Variants in PIKFYVE observed in about 807,000 individuals in gnomAD.
PIKFYVE encodes 1-phosphatidylinositol 3-phosphate 5-kinase.
A neutral mutation model predicts 257.9 loss-of-function variants in PIKFYVE; 122 were observed. The observed-to-expected ratio is 0.47, with a 90% CI of 0.41 to 0.55. PIKFYVE has a LOEUF of 0.55. Ranked by LOEUF, PIKFYVE falls within the 20% of genes least tolerant of loss-of-function variation. PIKFYVE has a pLI of 0.00. For missense variants in PIKFYVE, 2,160 were observed against 2,536.6 expected (o/e 0.85, Z 3.19); for synonymous variants, 892 against 868.9 (o/e 1.03, Z -0.47).
chr2:208,306,075 A>G (rs1436776894), intron 12 of PIKFYVE, among the ~76,000 whole-genome samples: 8 of 152,220 alleles, frequency 5.3e-5, no homozygotes, highest in African/African-American at 1.9e-4. Flanking sequence ...TATTTCTCCA[A>G]CAAATTTCTC....
chr2:208,308,587 T>TC (rs1694614963), intron 12 of PIKFYVE, among the ~76,000 whole-genome samples: 1 of 151,996 alleles, frequency 6.6e-6, no homozygotes, highest in Admixed American at 6.6e-5. Context: ...ATCTCCCCAT[T>TC]CCCTTCACTC....
At position 208,326,338 on chromosome 2, in the gene PIKFYVE, C is replaced by G. The variant is rs773476508; in HGVS notation, c.3527C>G (p.Ala1176Gly). The change falls in exon 20 of 42, where the codon GCA (alanine) becomes GGA (glycine). Residue 1176 changes from alanine to glycine, a missense_variant. Coordinates refer to ENST00000264380, the MANE Select transcript of PIKFYVE (RefSeq NM_015040.4). ...GACCCTTTTGCTCATTCAAAGGATG[C>G]ATCAAGTACTTCAAGTGGCCAATCA... ...NSDPFAHSKD[A>G]SSTSSGQSGS... 1 of 1,613,458 alleles carries G rather than the reference C, an allele frequency of 6.2e-7. No individual in the cohort carries two copies. Among genetic ancestry groups the G allele is most frequent in the African/African-American group, 1.3e-5 (1 of 75,012 alleles).
intron 10 of PIKFYVE, among the ~76,000 whole-genome samples, chr2:208,302,971 A>G (rs750579052): frequency 2.0e-5 from 3 of 152,084 alleles, no homozygotes; most frequent in Non-Finnish European, 2.9e-5. Context: ...GGTTCCAGCT[A>G]CTTGGGAGGC....
rs1696665206 is a variant in PIKFYVE, at chr2:208,324,350, G to A, written c.2331+68G>A. 6 of 1,510,670 alleles carry A rather than the reference G, an allele frequency of 4.0e-6. No individual in the cohort carries two copies. The Admixed American group carries it at 1.0e-4, about 25-fold the overall frequency. The allele number at this position is 1,510,670 out of a possible 1,614,324, so 93.6% of individuals were successfully genotyped here. A position where few individuals can be genotyped will look rare whatever the true frequency, so the allele number is the denominator to read the frequency against. ...GCTTTTAAATTTATATGCACGTATG[G>A]TAGGTATACAAGAATCTTTTTTTCT... On this transcript the variant is annotated intron_variant, in intron 18 of 41. Transcript: ENST00000264380.
chr2:208,341,259 C>G (rs1574716645), intron 31 of PIKFYVE, among the ~76,000 whole-genome samples: 1 of 152,096 alleles, frequency 6.6e-6, no homozygotes, highest in African/African-American at 2.4e-5. Flanking sequence ...CTGCCCACCT[C>G]TGTCTCCCAA....
chr2:208,277,487 A>G (rs1690262012), intron 4 of PIKFYVE, 50 bp from the exon 5 acceptor site: 4 of 1,585,558 alleles, frequency 2.5e-6, no homozygotes, highest in Non-Finnish European at 3.5e-6. Flanking sequence ...GCCATTGCAT[A>G]TTAATAATCA....
intron 18 of PIKFYVE, 50 bp downstream of exon 18, chr2:208,324,332 A>C: frequency 2.5e-6 from 4 of 1,576,008 alleles, no homozygotes; most frequent in Non-Finnish European, 3.5e-6. Flanking sequence ...ACAGCTTTTA[A>C]ATTTATATGC....
chr2:208,285,410 T>C (rs1281584947), intron 5 of PIKFYVE, among the ~76,000 whole-genome samples: 1 of 152,156 alleles, frequency 6.6e-6, no homozygotes. Context: ...TGTTACATTT[T>C]AAACTCATTA....
chr2:208,354,966 C>T (rs146017091), intron 41 of PIKFYVE, among the ~76,000 whole-genome samples: 11 of 152,322 alleles, frequency 7.2e-5, no homozygotes, highest in African/African-American at 2.4e-4. Context: ...TCTTAGACAT[C>T]GCTCATCTCT....
intron 9 of PIKFYVE, 104 bp from the exon 10 acceptor site, chr2:208,302,138 T>A: frequency 1.0e-6 from 1 of 960,660 alleles, no homozygotes; most frequent in African/African-American, 1.6e-5. Flanking sequence ...AAATTCTAAC[T>A]CTGATTAGAA....
intron 7 of PIKFYVE, among the ~76,000 whole-genome samples, chr2:208,290,433 A>G (rs775772781): frequency 2.0e-5 from 3 of 152,182 alleles, no homozygotes; most frequent in Admixed American, 6.5e-5. Context: ...AGTTTTCTCT[A>G]TGTCTTTCCA....
intron 5 of PIKFYVE, among the ~76,000 whole-genome samples, chr2:208,278,021 T>G (rs1196677527): frequency 6.6e-6 from 1 of 152,216 alleles, no homozygotes; most frequent in Non-Finnish European, 1.5e-5. Context: ...GAGTTTTCAT[T>G]TTAAAAGGAC....
At chr2:208,273,802 GTTGTTTA>G in intron 3 of PIKFYVE, 69 bp downstream of exon 3, 1 of 1,577,132 alleles carries the variant, frequency 6.3e-7, no homozygotes, top group Non-Finnish European at 8.7e-7. Flanking sequence ...TGTTTCCTAG[GTTGTTTA>G]TAGCAGGACT....
At chr2:208,338,667 T>C (rs1038601870) in intron 29 of PIKFYVE, 99 bp downstream of exon 29, 5 of 1,164,960 alleles carry the variant, frequency 4.3e-6, no homozygotes. Context: ...TCCGATGCTG[T>C]TGTTCATAGA....
At position 208,285,851 on chromosome 2, in the gene PIKFYVE, G is replaced by A; in HGVS notation, c.739G>A (p.Asp247Asn). 1 of 1,614,088 alleles carries A rather than the reference G, an allele frequency of 6.2e-7. No homozygotes were observed. Among genetic ancestry groups the A allele is most frequent in the Non-Finnish European group, 8.5e-7 (1 of 1,180,028 alleles). The change falls in exon 6 of 42, where the codon GAT becomes AAT. Residue 247 changes from aspartate (D) to asparagine (N), a missense_variant. By Grantham distance (23) the Asp-to-Asn change is conservative. This residue lies in a region of PIKFYVE where 187 missense variants were observed against 185.6 expected (regional missense o/e 1.01). Coordinates refer to ENST00000264380, the MANE Select transcript of PIKFYVE (RefSeq NM_015040.4). ...SDSACSVSVL[D>N]PSEPRTPVGS... Reference sequence around the variant, plus strand: ...TTCTGCTTGCTCTGTGTCTGTGCTTGATCCAAGTGAACCCCGAACACCTGT... The same window carrying A: ...TTCTGCTTGCTCTGTGTCTGTGCTTAATCCAAGTGAACCCCGAACACCTGT...
intron 39 of PIKFYVE, among the ~76,000 whole-genome samples, chr2:208,353,188 A>G (rs759585878): frequency 2.0e-5 from 3 of 152,110 alleles, no homozygotes; most frequent in Non-Finnish European, 2.9e-5. Flanking sequence ...TTTCCAGTCT[A>G]TGATAAGATA....
At chr2:208,342,323 CAG>C (rs1698788202) in intron 31 of PIKFYVE, among the ~76,000 whole-genome samples, 1 of 152,110 alleles carries the variant, frequency 6.6e-6, no homozygotes, top group Non-Finnish European at 1.5e-5. Context: ...TTAGTGTGGC[CAG>C]AGTCTTGGCA....
intron 29 of PIKFYVE, among the ~76,000 whole-genome samples, chr2:208,339,026 C>G (rs574775983): frequency 6.6e-6 from 1 of 152,156 alleles, no homozygotes; most frequent in South Asian, 2.1e-4. Context: ...GCTCAACTTA[C>G]AATTCTTGGC....
intron 5 of PIKFYVE, among the ~76,000 whole-genome samples, chr2:208,280,760 G>T (rs1690700577): frequency 6.6e-6 from 1 of 152,182 alleles, no homozygotes; most frequent in Admixed American, 6.5e-5. Flanking sequence ...ACAGCTACTT[G>T]ATATGGAGTT....
Sources: gnomAD v4.1 joint callset for allele counts (sites outside exome capture counted in the v4.1 genomes callset) on GRCh38, gnomAD v4.1.1 for gene constraint, gnomAD v4.1.1 regional missense constraint, MANE v1.5 for transcripts, NCBI Gene and HGNC (gene_info 2026-07-23, HGNC 2026-07-21) for gene names.